The following NDUFAF4 variants were observed in gnomAD, a reference collection of about 807,000 sequenced individuals.
NDUFAF4 encodes NADH:ubiquinone oxidoreductase complex assembly factor 4.
In NDUFAF4, 10 loss-of-function variants were observed where a neutral mutation model predicts 15.6. That is an observed-to-expected ratio of 0.64 (90% CI 0.40 to 1.09). NDUFAF4 has a LOEUF of 1.09. Among genes scored for constraint, NDUFAF4 ranks in the 50% least tolerant of loss-of-function variants. The pLI is 0.01. For missense variants in NDUFAF4, 203 were observed against 207.3 expected, an observed-to-expected ratio of 0.98 and a Z score of 0.13; for synonymous variants, 77 against 73.3, an observed-to-expected ratio of 1.05 and a Z score of -0.26.
In NDUFAF4 at chr6:96,890,132, C is replaced by T. The variant is rs1172658142; in HGVS notation, c.*972G>A. The T allele has an allele frequency of 6.6e-6, 1 of 152,084 alleles. No homozygotes were observed. Among genetic ancestry groups the T allele is most frequent in the Non-Finnish European group, 1.5e-5 (1 of 68,008 alleles). 9.4% of individuals were successfully genotyped at this position (152,084 alleles called of 1,614,324 possible). Reference sequence around the variant, plus strand: ...CTCACTCAAGATCCTAGTACTGGTACATGCTATGCTAATTAAATTTGCTAA... The same window carrying T: ...CTCACTCAAGATCCTAGTACTGGTATATGCTATGCTAATTAAATTTGCTAA... On this transcript the variant is annotated 3_prime_UTR_variant, in exon 3 of 3. Transcript: ENST00000316149.
In NDUFAF4 at chr6:96,897,653, T is replaced by G. The variant is rs1775404824; in HGVS notation, c.136+13A>C. 1 of 1,613,332 alleles carries G rather than the reference T, an allele frequency of 6.2e-7. No homozygotes were observed. ...CGCGCCCCCGGGCCCCGAAACGCCC[T>G]CGCACCACTCACGACTAATCTGCTC... is the stretch of plus-strand genomic sequence containing the variant. On this transcript the variant is annotated intron_variant, in intron 1 of 2. Transcript: ENST00000316149.
rs1395885566 is a variant in NDUFAF4, at chr6:96,891,368, T to C, written c.264A>G (p.Gln88=). 12 of 1,610,864 alleles carry C rather than the reference T, an allele frequency of 7.4e-6. No individual in the cohort carries two copies. Among genetic ancestry groups the C allele is most frequent in the Non-Finnish European group, 9.3e-6 (11 of 1,179,496 alleles). Residue 88 remains glutamine (Q), a synonymous_variant, in exon 3 of 3, where the codon CAA becomes CAG. Transcript: ENST00000316149. ...SLQVKAAETC[Q]EPKEFRLPKD... ...TCGGCAATCTGAATTCCTTCGGCTCTTGACATGTTTCAGCAGCTTTTACCT... is the reference window on the plus strand; with the variant it reads ...TCGGCAATCTGAATTCCTTCGGCTCCTGACATGTTTCAGCAGCTTTTACCT...
At position 96,890,182 on chromosome 6, in the gene NDUFAF4, G is replaced by A. The variant is rs1775296858; in HGVS notation, c.*922C>T. ...AAATGGATGAAATGGCAATTTCTCA[G>A]GTCCCTTCCAATGATCCTGTTCTCT... On this transcript the variant is annotated 3_prime_UTR_variant, in exon 3 of 3. Coordinates refer to ENST00000316149, the MANE Select transcript of NDUFAF4 (RefSeq NM_014165.4). 6.6e-6 allele frequency: 1 copy of A among 152,038 alleles called. No homozygotes were observed. Among genetic ancestry groups the A allele is most frequent in the Non-Finnish European group, 1.5e-5 (1 of 67,994 alleles). The allele number at this position is 152,038 out of a possible 1,614,324, so 9.4% of individuals were successfully genotyped here. A position where few individuals can be genotyped will look rare whatever the true frequency, so the allele number is the denominator to read the frequency against.
Position 96,890,987 on chromosome 6 carries a change from G to T in NDUFAF4, c.*117C>A. The T allele has an allele frequency of 1.1e-6, 1 of 885,856 alleles. No individual in the cohort carries two copies. Among genetic ancestry groups the T allele is most frequent in the Non-Finnish European group, 1.8e-6 (1 of 571,170 alleles). The allele number at this position is 885,856 out of a possible 1,614,324, so 54.9% of individuals were successfully genotyped here. On this transcript the variant is annotated 3_prime_UTR_variant, in exon 3 of 3. Transcript: ENST00000316149. ...GGAGCTCAATAAATATTAAGAGTAT[G>T]CCCTCACAATGAGAGCATTAAATAT...
At chr6:96,896,631 G>C in intron 2 of NDUFAF4, 113 bp downstream of exon 2, 1 of 867,704 alleles carries the variant, frequency 1.2e-6, no homozygotes, top group Non-Finnish European at 1.9e-6. Context: ...CGTGTAGATT[G>C]ATCACAACAC....
At chr6:96,891,456 C>G in intron 2 of NDUFAF4, 65 bp from the exon 3 acceptor site, 1 of 1,414,288 alleles carries the variant, frequency 7.1e-7, no homozygotes, top group Non-Finnish European at 9.9e-7. Context: ...TCATACTTCT[C>G]AAATCTACAC....
At chr6:96,897,605 A>G in intron 1 of NDUFAF4, 61 bp downstream of exon 1, 1 of 1,608,024 alleles carries the variant, frequency 6.2e-7, no homozygotes, top group African/African-American at 1.3e-5. Flanking sequence ...CACGCTAGGG[A>G]CAGCCGGGCA....
intron 1 of NDUFAF4, 81 bp from the exon 2 acceptor site, chr6:96,896,928 C>A: frequency 2.0e-6 from 2 of 1,023,832 alleles, no homozygotes; most frequent in Non-Finnish European, 1.5e-6. Context: ...CAAACGCTTT[C>A]TTTTATTTTC....
rs1775312360 is a variant in NDUFAF4, at chr6:96,891,314, A to C, written c.318T>G (p.Ile106Met). Reference protein sequence around the residue: ...PKDHHFDMINIKSIPKGKISI... With the variant: ...PKDHHFDMINMKSIPKGKISI... ...AAATTTTGCCTTTGGGAATGCTCTTAATATTTATCATATCAAAATGATGGT... is the reference window on the plus strand; with the variant it reads ...AAATTTTGCCTTTGGGAATGCTCTTCATATTTATCATATCAAAATGATGGT... The change falls in exon 3 of 3, where the codon ATT (isoleucine) becomes ATG (methionine). Residue 106 changes from isoleucine to methionine, a missense_variant. Transcript: ENST00000316149. The C allele has an allele frequency of 6.2e-7, 1 of 1,613,746 alleles. No individual in the cohort carries two copies. The highest frequency in any genetic ancestry group is 8.5e-7 in the Non-Finnish European group (1 of 1,179,806).
In NDUFAF4 at chr6:96,890,072, A is replaced by C. The variant is rs1175408004; in HGVS notation, c.*1032T>G. ...GATATAGTCTCCCAAAGATCCCCCA[A>C]GTAGTAATATATTAGGCAGAGCTAA... On this transcript the variant is annotated 3_prime_UTR_variant, in exon 3 of 3. Transcript: ENST00000316149. 6.6e-6 allele frequency: 1 copy of C among 152,096 alleles called. No individual in the cohort carries two copies. The highest frequency in any genetic ancestry group is 2.4e-5 in the African/African-American group (1 of 41,414). 9.4% of individuals were successfully genotyped at this position (152,096 alleles called of 1,614,324 possible).
In NDUFAF4 at chr6:96,890,134, T is replaced by C. The variant is rs1314082335; in HGVS notation, c.*970A>G. 1 of 152,130 alleles carries C rather than the reference T, an allele frequency of 6.6e-6. No homozygotes were observed. The highest frequency in any genetic ancestry group is 2.4e-5 in the African/African-American group (1 of 41,424). 9.4% of individuals were successfully genotyped at this position (152,130 alleles called of 1,614,324 possible). A position where few individuals can be genotyped will look rare whatever the true frequency, so the allele number is the denominator to read the frequency against. ...CACTCAAGATCCTAGTACTGGTACA[T>C]GCTATGCTAATTAAATTTGCTAAAA... is the stretch of plus-strand genomic sequence containing the variant. On this transcript the variant is annotated 3_prime_UTR_variant, in exon 3 of 3. Coordinates refer to ENST00000316149, the MANE Select transcript of NDUFAF4 (RefSeq NM_014165.4).
chr6:96,897,795 C>G lies in NDUFAF4; in HGVS notation c.7G>C (p.Ala3Pro), dbSNP rs1554197721. 1.2e-6 allele frequency: 2 copies of G among 1,614,178 alleles called. No individual in the cohort carries two copies. The highest frequency in any genetic ancestry group is 2.2e-5 in the South Asian group (2 of 91,090). ...TTCCTGATACCGCGAATCACTAGTG[C>G]TCCCATCTCCTCATAACATTATGCG... MG[A>P]LVIRGIRNFN... is the part of the protein sequence containing the mutation. The change falls in exon 1 of 3, where the codon GCA becomes CCA. Residue 3 changes from alanine to proline, a missense_variant. Physicochemically the swap from Ala to Pro is conservative, Grantham distance 27. Transcript: ENST00000316149.
intron 2 of NDUFAF4, among the ~76,000 whole-genome samples, chr6:96,893,371 A>T (rs372928335): frequency 2.6e-5 from 4 of 152,120 alleles, no homozygotes; most frequent in Admixed American, 2.6e-4. Context: ...ATAAAACAAA[A>T]CTCCTTAGCA....
chr6:96,890,167 A>C lies in NDUFAF4; in HGVS notation c.*937T>G, dbSNP rs1410204968. On this transcript the variant is annotated 3_prime_UTR_variant, in exon 3 of 3. Coordinates refer to ENST00000316149, the MANE Select transcript of NDUFAF4 (RefSeq NM_014165.4). ...TAATTAAATTTGCTAAAATGGATGA[A>C]ATGGCAATTTCTCAGGTCCCTTCCA... 6.6e-6 allele frequency: 1 copy of C among 152,122 alleles called. No homozygotes were observed. Among genetic ancestry groups the C allele is most frequent in the African/African-American group, 2.4e-5 (1 of 41,434 alleles). 9.4% of individuals were successfully genotyped at this position (152,122 alleles called of 1,614,324 possible). A position where few individuals can be genotyped will look rare whatever the true frequency, so the allele number is the denominator to read the frequency against.
In NDUFAF4 at chr6:96,889,539, T is replaced by G. The variant is rs1393573828; in HGVS notation, c.*1565A>C. 6.6e-6 allele frequency: 1 copy of G among 152,464 alleles called. No individual in the cohort carries two copies. Among genetic ancestry groups the G allele is most frequent in the Non-Finnish European group, 1.5e-5 (1 of 68,028 alleles). The allele number at this position is 152,464 out of a possible 1,614,324, so 9.4% of individuals were successfully genotyped here. ...TCATGTTTTCTTAAAACAATTATTG[T>G]ATTGAACTAAAAATAAACTAGGTAG... On this transcript the variant is annotated 3_prime_UTR_variant, in exon 3 of 3. Transcript: ENST00000316149.
In NDUFAF4 at chr6:96,891,090, T is replaced by C; in HGVS notation, c.*14A>G. ...GGGATGAGGAGTACACATAGGAAAT[T>C]TCTGTGATTTTCTTCATTTTGATCG... On this transcript the variant is annotated 3_prime_UTR_variant, in exon 3 of 3. Coordinates refer to ENST00000316149, the MANE Select transcript of NDUFAF4 (RefSeq NM_014165.4). The C allele has an allele frequency of 2.5e-6, 4 of 1,610,092 alleles. No homozygotes were observed. Among genetic ancestry groups the C allele is most frequent in the Non-Finnish European group, 3.4e-6 (4 of 1,178,272 alleles).
intron 2 of NDUFAF4, among the ~76,000 whole-genome samples, chr6:96,895,751 A>G (rs1387825103): frequency 1.3e-5 from 2 of 152,200 alleles, no homozygotes; most frequent in East Asian, 3.8e-4. Flanking sequence ...ACTGAACCCT[A>G]CAATTACTAT....
Position 96,897,697 on chromosome 6 carries a change from A to G in NDUFAF4, c.105T>C (p.Ser35=). The change falls in exon 1 of 3, where the codon TCT becomes TCC. Residue 35 remains serine (S), a synonymous_variant. Transcript: ENST00000316149. ...TCTGCTCTCGCAGGAGGCTGTTGGT[A>G]GAGGGGTGTCTGGGAGCGACAGAGG... ...MKPSVAPRHP[S]TNSLLREQIS... is the part of the protein sequence containing the mutation. 6.2e-7 allele frequency: 1 copy of G among 1,614,148 alleles called. No homozygotes were observed. The highest frequency in any genetic ancestry group is 8.5e-7 in the Non-Finnish European group (1 of 1,179,982).
chr6:96,894,494 A>G (rs770209042), intron 2 of NDUFAF4, among the ~76,000 whole-genome samples: 1 of 152,240 alleles, frequency 6.6e-6, no homozygotes, highest in Non-Finnish European at 1.5e-5. Flanking sequence ...GAGTGCTAAC[A>G]TGGATAATAA....
Sources: gnomAD v4.1 joint callset for allele counts (sites outside exome capture counted in the v4.1 genomes callset) on GRCh38, gnomAD v4.1.1 for gene constraint, MANE v1.5 for transcripts, NCBI Gene and HGNC (gene_info 2026-07-23, HGNC 2026-07-21) for gene names.